The following UNC5D variants were observed in gnomAD, a reference collection of about 807,000 sequenced individuals.
UNC5D encodes the protein unc-5 netrin receptor D.
A neutral mutation model predicts 105.4 loss-of-function variants in UNC5D; 39 were observed. That is an observed-to-expected ratio of 0.37 (90% CI 0.29 to 0.48). The LOEUF (loss-of-function observed/expected upper bound fraction) is 0.48. Among genes scored for constraint, UNC5D ranks in the 20% least tolerant of loss-of-function variants. UNC5D has a pLI of 0.98. For synonymous variants in UNC5D, 452 were observed against 450.4 expected, an observed-to-expected ratio of 1.00 and a Z score of -0.04; for missense variants, 991 against 1,202.4, an observed-to-expected ratio of 0.82 and a Z score of 2.60.
intron 1 of UNC5D, among the ~76,000 whole-genome samples, chr8:35,404,210 T>C (rs1804659432): frequency 6.6e-6 from 1 of 152,158 alleles, no homozygotes; most frequent in Non-Finnish European, 1.5e-5. Flanking sequence ...GGAGATGGGC[T>C]GGAAGAGGAG....
At chr8:35,763,902 C>T (rs1801653527) in intron 14 of UNC5D, among the ~76,000 whole-genome samples, 1 of 152,180 alleles carries the variant, frequency 6.6e-6, no homozygotes, top group Admixed American at 6.5e-5. Flanking sequence ...GCAAAGGACT[C>T]ATGTAATAAA....
At chr8:35,722,460 C>T in intron 9 of UNC5D, 65 bp downstream of exon 9, 2 of 1,538,480 alleles carry the variant, frequency 1.3e-6, no homozygotes, top group Non-Finnish European at 1.8e-6. Flanking sequence ...CACTAGACCC[C>T]AGCCTTCTCC....
intron 1 of UNC5D, among the ~76,000 whole-genome samples, chr8:35,316,674 G>A (rs1809328631): frequency 6.6e-6 from 1 of 152,114 alleles, no homozygotes; most frequent in South Asian, 2.1e-4. Context: ...TGTTTCACGT[G>A]AGCCTGAATG....
chr8:35,439,061 T>C (rs1057341243), intron 1 of UNC5D, among the ~76,000 whole-genome samples: 1 of 151,970 alleles, frequency 6.6e-6, no homozygotes, highest in African/African-American at 2.4e-5. Flanking sequence ...AGTGTGACCT[T>C]GGGCAAATTA....
intron 1 of UNC5D, among the ~76,000 whole-genome samples, chr8:35,279,424 C>T (rs1805994824): frequency 6.6e-6 from 1 of 152,158 alleles, no homozygotes; most frequent in Non-Finnish European, 1.5e-5. Context: ...TTTACAATAT[C>T]CAGAGAATGT....
chr8:35,683,643 C>T lies in UNC5D; in HGVS notation c.667C>T (p.Leu223Phe). Residue 223 changes from leucine (L) to phenylalanine (F), a missense_variant, in exon 5 of 17, where the codon CTC (leucine) becomes TTC (phenylalanine). Leu to Phe is a conservative substitution (Grantham distance 22, BLOSUM62 0). Transcript: ENST00000404895. ...TAACCTGATCATCAGGCAGGCACGG[C>T]TCTCGGACTCAGGAAATTACACCTG... Reference protein sequence around the residue: ...DHNLIIRQARLSDSGNYTCMA... With the variant: ...DHNLIIRQARFSDSGNYTCMA... The T allele has an allele frequency of 2.5e-6, 4 of 1,578,378 alleles. No homozygotes were observed. Among genetic ancestry groups the T allele is most frequent in the Non-Finnish European group, 3.4e-6 (4 of 1,167,902 alleles).
intron 11 of UNC5D, among the ~76,000 whole-genome samples, chr8:35,742,262 A>G (rs944039337): frequency 6.6e-6 from 1 of 152,162 alleles, no homozygotes; most frequent in Non-Finnish European, 1.5e-5. Flanking sequence ...AAGAAAAAAA[A>G]AAAAGAGAGA....
intron 11 of UNC5D, among the ~76,000 whole-genome samples, chr8:35,747,760 T>G (rs1159414077): frequency 1.3e-5 from 2 of 152,234 alleles, no homozygotes; most frequent in Non-Finnish European, 2.9e-5. Flanking sequence ...GAGGTATTAT[T>G]ATTCCATTTT....
chr8:35,652,915 A>ATTTT lies in UNC5D; in HGVS notation c.571-30606_571-30603dup, dbSNP rs34611902. Among the ~76,000 whole-genome samples, 34 of 49,160 alleles carry ATTTT rather than the reference A, an allele frequency of 6.9e-4. 6 individuals are homozygous for ATTTT. Among genetic ancestry groups the ATTTT allele is most frequent in the African/African-American group, 1.8e-3 (19 of 10,712 alleles). 32.3% of individuals were successfully genotyped at this position (49,160 alleles called of 152,430 possible). A position where few individuals can be genotyped will look rare whatever the true frequency, so the allele number is the denominator to read the frequency against. On this transcript the variant is annotated intron_variant, in intron 4 of 16. Transcript: ENST00000404895. ...GTCTTCATTTTCACTACAAGTGAGG[A>ATTTT]TTTTTTTTTTTTTTTTTTTTTTTTT...
At chr8:35,525,362 G>T in intron 1 of UNC5D, 6 of 1,612,076 alleles carry the variant, frequency 3.7e-6, no homozygotes, top group Non-Finnish European at 5.1e-6. Flanking sequence ...CCATGACTAC[G>T]ATGTTTTTTT....
At chr8:35,345,312 A>T (rs1412732745) in intron 1 of UNC5D, among the ~76,000 whole-genome samples, 2 of 151,970 alleles carry the variant, frequency 1.3e-5, no homozygotes, top group African/African-American at 2.4e-5. Flanking sequence ...CGGCAGAGAA[A>T]ATAACACAAA....
intron 11 of UNC5D, among the ~76,000 whole-genome samples, chr8:35,746,447 C>A (rs1309723142): frequency 6.6e-6 from 1 of 152,152 alleles, no homozygotes; most frequent in African/African-American, 2.4e-5. Flanking sequence ...GAGAGACCTA[C>A]ACCCATGGAC....
At chr8:35,523,707 T>TA (rs1207509984) in intron 1 of UNC5D, among the ~76,000 whole-genome samples, 33 of 107,610 alleles carry the variant, frequency 3.1e-4, no homozygotes, top group African/African-American at 9.8e-4. Context: ...TTTATTTAAT[T>TA]AAAAAAAAAA....
chr8:35,680,987 GC>G (rs1233894432), intron 4 of UNC5D, among the ~76,000 whole-genome samples: 3 of 152,150 alleles, frequency 2.0e-5, no homozygotes, highest in African/African-American at 7.2e-5. Context: ...TGGAGGTGGA[GC>G]AAAAAAGTTC....
chr8:35,760,104 C>T (rs1402004429), intron 14 of UNC5D, among the ~76,000 whole-genome samples: 7 of 149,618 alleles, frequency 4.7e-5, no homozygotes, highest in Middle Eastern at 3.2e-3. Flanking sequence ...AGTGCAGTGG[C>T]GCAATCTTGG....
At chr8:35,465,350 C>G (rs774571279) in intron 1 of UNC5D, among the ~76,000 whole-genome samples, 2 of 152,138 alleles carry the variant, frequency 1.3e-5, no homozygotes, top group Non-Finnish European at 2.9e-5. Context: ...AAGATTATGC[C>G]CCTGCACTCC....
intron 4 of UNC5D, among the ~76,000 whole-genome samples, chr8:35,657,569 T>C (rs60121456): frequency 0.19 from 29,466 of 152,062 alleles, 6,640 homozygotes; most frequent in African/African-American, 0.55. Context: ...ACTGTAACCT[T>C]GGACTCCTGG....
At chr8:35,365,721 G>A (rs1320779070) in intron 1 of UNC5D, among the ~76,000 whole-genome samples, 2 of 151,950 alleles carry the variant, frequency 1.3e-5, no homozygotes, top group Non-Finnish European at 2.9e-5. Context: ...CAGGGGAAAT[G>A]GGGAAGGGTA....
intron 2 of UNC5D, among the ~76,000 whole-genome samples, chr8:35,555,875 GC>G (rs1816507759): frequency 7.5e-6 from 1 of 134,172 alleles, no homozygotes; most frequent in Non-Finnish European, 1.6e-5. Context: ...TAAAAAAACA[GC>G]ACACACACAC....
Sources: gnomAD v4.1 joint callset for allele counts (sites outside exome capture counted in the v4.1 genomes callset) on GRCh38, gnomAD v4.1.1 for gene constraint, MANE v1.5 for transcripts, NCBI Gene and HGNC (gene_info 2026-07-23, HGNC 2026-07-21) for gene names.